RNF169: variants seen among roughly 807,000 people sequenced by gnomAD.
The protein encoded by RNF169 is E3 ubiquitin-protein ligase RNF169.
A neutral mutation model predicts 53.9 loss-of-function variants in RNF169; 24 were observed. The ratio of observed to expected loss-of-function variants is 0.45; its 90% CI spans 0.32 to 0.63. The LOEUF (loss-of-function observed/expected upper bound fraction) is 0.63, where lower values mean the gene tolerates loss of function less well. RNF169 is among the 20% of genes least tolerant of loss of function. The probability of loss-of-function intolerance (pLI) is 0.04; values close to 1 mark genes in which losing one functional copy is unlikely to be tolerated. For synonymous variants in RNF169, 396 were observed against 363.5 expected, an observed-to-expected ratio of 1.09 and a Z score of -1.02; for missense variants, 883 against 906.2, an observed-to-expected ratio of 0.97 and a Z score of 0.33.
At chr11:74,824,830 T>G (rs559916066) in intron 4 of RNF169, among the ~76,000 whole-genome samples, 1 of 152,162 alleles carries the variant, frequency 6.6e-6, no homozygotes, top group South Asian at 2.1e-4. Context: ...GGGTTGCCTG[T>G]ATAAGACCTA....
At chr11:74,787,822 C>G (rs1403313678) in intron 1 of RNF169, among the ~76,000 whole-genome samples, 1 of 152,136 alleles carries the variant, frequency 6.6e-6, no homozygotes, top group Non-Finnish European at 1.5e-5. Context: ...CATCTGCAGA[C>G]ATGTAAAATG....
At chr11:74,769,199 T>A (rs1565172493) in intron 1 of RNF169, among the ~76,000 whole-genome samples, 1 of 151,938 alleles carries the variant, frequency 6.6e-6, no homozygotes, top group Non-Finnish European at 1.5e-5. Flanking sequence ...ATTAGAAAAA[T>A]GGTGAGAAGA....
chr11:74,780,230 G>T (rs1410790196), intron 1 of RNF169, among the ~76,000 whole-genome samples: 1 of 152,126 alleles, frequency 6.6e-6, no homozygotes, highest in Non-Finnish European at 1.5e-5. Flanking sequence ...CCCATGTTCT[G>T]CTTTTTATTA....
chr11:74,796,890 G>T (rs1335479531), intron 2 of RNF169, among the ~76,000 whole-genome samples: 1 of 152,058 alleles, frequency 6.6e-6, no homozygotes, highest in Non-Finnish European at 1.5e-5. Context: ...TTGCTATGTT[G>T]TCCAGGCTGG....
At position 74,836,164 on chromosome 11, in the gene RNF169, A is replaced by G; in HGVS notation, c.1561A>G (p.Ser521Gly). The G allele has an allele frequency of 6.2e-7, 1 of 1,614,206 alleles. No homozygotes were observed. Among genetic ancestry groups the G allele is most frequent in the Non-Finnish European group, 8.5e-7 (1 of 1,180,026 alleles). Residue 521 changes from serine (S) to glycine (G), a missense_variant, in exon 6 of 6, where the codon AGC becomes GGC. Coordinates refer to ENST00000299563, the MANE Select transcript of RNF169 (RefSeq NM_001098638.2). ...AGAACAGGACAGTGATAATAAAAGT[A>G]GCACTGAGATCCCACTGGAAACCTG... is the stretch of plus-strand genomic sequence containing the variant. Reference protein sequence around the residue: ...KAEQDSDNKSSTEIPLETCCS... With the variant: ...KAEQDSDNKSGTEIPLETCCS...
intron 2 of RNF169, among the ~76,000 whole-genome samples, chr11:74,795,779 C>T (rs931759412): frequency 1.3e-5 from 2 of 152,130 alleles, no homozygotes; most frequent in African/African-American, 4.8e-5. Flanking sequence ...ATTGCTTGAG[C>T]CCAGGAGGTC....
intron 3 of RNF169, among the ~76,000 whole-genome samples, chr11:74,814,046 C>T (rs1159550508): frequency 6.6e-6 from 1 of 151,800 alleles, no homozygotes; most frequent in Non-Finnish European, 1.5e-5. Context: ...ATTGGCCAGA[C>T]GTGGTGGCTC....
intron 2 of RNF169, among the ~76,000 whole-genome samples, chr11:74,801,640 C>A (rs139487791): frequency 2.8e-4 from 43 of 152,244 alleles, no homozygotes; most frequent in Middle Eastern, 3.4e-3. Context: ...TGTATTCAGC[C>A]TACTTATTAA....
chr11:74,824,694 G>A (rs1237963108), intron 4 of RNF169, among the ~76,000 whole-genome samples: 1 of 152,224 alleles, frequency 6.6e-6, no homozygotes, highest in Admixed American at 6.5e-5. Flanking sequence ...GAGACAGGAA[G>A]TGAGCACATG....
At chr11:74,833,341 C>T (rs1257603056) in intron 4 of RNF169, among the ~76,000 whole-genome samples, 3 of 152,204 alleles carry the variant, frequency 2.0e-5, no homozygotes, top group Admixed American at 1.3e-4. Context: ...AGATATGATG[C>T]GTTCCATTCC....
intron 1 of RNF169, among the ~76,000 whole-genome samples, chr11:74,772,418 C>T (rs2035272930): frequency 6.6e-6 from 1 of 150,410 alleles, no homozygotes; most frequent in African/African-American, 2.4e-5. Flanking sequence ...ACCCCTAGCA[C>T]AGTACTTGGC....
At chr11:74,767,813 G>A (rs2035197770) in intron 1 of RNF169, among the ~76,000 whole-genome samples, 1 of 151,674 alleles carries the variant, frequency 6.6e-6, no homozygotes, top group Admixed American at 6.6e-5. Flanking sequence ...TCCTGACCTC[G>A]TGATCCGCCC....
chr11:74,793,420 ATTACTT>A (rs1329080465), intron 2 of RNF169, among the ~76,000 whole-genome samples: 1 of 152,238 alleles, frequency 6.6e-6, no homozygotes, highest in African/African-American at 2.4e-5. Flanking sequence ...AGTATACTCT[ATTACTT>A]TAAGTGACAG....
At chr11:74,768,645 A>G (rs1035946878) in intron 1 of RNF169, among the ~76,000 whole-genome samples, 29 of 152,112 alleles carry the variant, frequency 1.9e-4, no homozygotes, top group African/African-American at 7.0e-4. Flanking sequence ...ATTAAAGGTC[A>G]AACTGTAAAA....
At chr11:74,770,644 A>G (rs543402749) in intron 1 of RNF169, among the ~76,000 whole-genome samples, 2 of 152,316 alleles carry the variant, frequency 1.3e-5, no homozygotes, top group South Asian at 4.1e-4. Context: ...GCATACGTTT[A>G]GCCTCTTGGC....
chr11:74,820,203 G>T (rs908196654), intron 4 of RNF169, among the ~76,000 whole-genome samples: 1 of 152,142 alleles, frequency 6.6e-6, no homozygotes, highest in Admixed American at 6.5e-5. Flanking sequence ...TCAGGATTGA[G>T]GAAAAGAAGC....
At chr11:74,832,904 T>A (rs1346370436) in intron 4 of RNF169, among the ~76,000 whole-genome samples, 2 of 152,192 alleles carry the variant, frequency 1.3e-5, no homozygotes, top group South Asian at 4.1e-4. Context: ...TCAATATTTT[T>A]AAAAGTAAAC....
At chr11:74,834,610 C>T in intron 4 of RNF169, 66 bp from the exon 5 acceptor site, 3 of 1,120,946 alleles carry the variant, frequency 2.7e-6, no homozygotes, top group Non-Finnish European at 3.8e-6. Flanking sequence ...AAGATATTGT[C>T]ATCCTTTTTC....
chr11:74,794,577 A>G (rs1357788843), intron 2 of RNF169, among the ~76,000 whole-genome samples: 1 of 152,174 alleles, frequency 6.6e-6, no homozygotes, highest in African/African-American at 2.4e-5. Context: ...AGTTTAGGGT[A>G]TGACCATGGA....
Sources: gnomAD v4.1 joint callset for allele counts (sites outside exome capture counted in the v4.1 genomes callset) on GRCh38, gnomAD v4.1.1 for gene constraint, MANE v1.5 for transcripts, NCBI Gene and HGNC (gene_info 2026-07-23, HGNC 2026-07-21) for gene names.